The following FLNB variants were observed in gnomAD, a reference collection of about 807,000 sequenced individuals.
The protein encoded by FLNB is filamin B.
Under a neutral mutation model 250.6 loss-of-function variants are expected in FLNB, and 111 were observed. That is an observed-to-expected ratio of 0.44 (90% CI 0.38 to 0.52). The LOEUF (loss-of-function observed/expected upper bound fraction) is 0.52, where lower values mean the gene tolerates loss of function less well. Ranked by LOEUF, FLNB falls within the 20% of genes least tolerant of loss-of-function variation. The probability of loss-of-function intolerance (pLI) is 0.00; values close to 1 mark genes in which losing one functional copy is unlikely to be tolerated. For synonymous variants in FLNB, 1,302 were observed against 1,372.1 expected, an observed-to-expected ratio of 0.95 and a Z score of 1.13; for missense variants, 2,869 against 3,447.8, an observed-to-expected ratio of 0.83 and a Z score of 4.20.
chr3:58,040,408 G>T (rs1447889509), intron 1 of FLNB, among the ~76,000 whole-genome samples: 4 of 152,166 alleles, frequency 2.6e-5, no homozygotes. Flanking sequence ...TCATTAAGGT[G>T]GGGGCAGCTT....
intron 1 of FLNB, among the ~76,000 whole-genome samples, chr3:58,071,274 C>CTT (rs57488190): frequency 3.2e-3 from 259 of 81,612 alleles, no homozygotes; most frequent in Non-Finnish European, 4.6e-3. Context: ...CTCCTCGATT[C>CTT]TTTTTTTTTT....
At chr3:58,046,361 T>C (rs1385171595) in intron 1 of FLNB, among the ~76,000 whole-genome samples, 1 of 152,166 alleles carries the variant, frequency 6.6e-6, no homozygotes, top group African/African-American at 2.4e-5. Context: ...TACTGAGATA[T>C]AACTCACACA....
intron 1 of FLNB, among the ~76,000 whole-genome samples, chr3:58,028,787 A>AT (rs2097126929): frequency 1.3e-5 from 2 of 149,424 alleles, no homozygotes; most frequent in East Asian, 2.1e-4. Context: ...CTAATTTTGT[A>AT]TTTTTTTTAG....
chr3:58,056,880 C>A (rs1247022733), intron 1 of FLNB, among the ~76,000 whole-genome samples: 1 of 152,174 alleles, frequency 6.6e-6, no homozygotes. Flanking sequence ...TGAGCCACCA[C>A]GCCCTGTGAC....
At chr3:58,020,377 T>G (rs1553680595) in intron 1 of FLNB, among the ~76,000 whole-genome samples, 3 of 152,116 alleles carry the variant, frequency 2.0e-5, no homozygotes, top group Non-Finnish European at 4.4e-5. Flanking sequence ...CATCTGCAGG[T>G]AGCCTCGTGC....
intron 4 of FLNB, among the ~76,000 whole-genome samples, chr3:58,087,608 A>G (rs1576694150): frequency 6.6e-6 from 1 of 151,586 alleles, no homozygotes; most frequent in East Asian, 1.9e-4. Context: ...GCCCACCACC[A>G]CACCCGGCTA....
At position 58,118,872 on chromosome 3, in the gene FLNB, G is replaced by T. The variant is rs747682744; in HGVS notation, c.2746G>T (p.Gly916Cys). 2.5e-6 allele frequency: 4 copies of T among 1,612,858 alleles called. No homozygotes were observed. The African/African-American group carries it at 5.3e-5, about 22-fold the overall frequency. The change falls in exon 19 of 46, where the codon GGC (glycine) becomes TGC (cysteine). Residue 916 changes from glycine to cysteine, a missense_variant and splice_region_variant. Gly to Cys is a radical substitution (Grantham distance 159). Coordinates refer to ENST00000295956, the MANE Select transcript of FLNB (RefSeq NM_001457.4). Reference sequence around the variant, plus strand: ...AACTGAGTTTTCTCTCTTGTTCCAGGGCAACATGCAGGTTCTGGTGACTTA... The same window carrying T: ...AACTGAGTTTTCTCTCTTGTTCCAGTGCAACATGCAGGTTCTGGTGACTTA... ...HTVKYTPTQQ[G>C]NMQVLVTYGG...
intron 22 of FLNB, among the ~76,000 whole-genome samples, chr3:58,125,293 C>T (rs571920438): frequency 6.6e-6 from 1 of 152,146 alleles, no homozygotes; most frequent in East Asian, 1.9e-4. Flanking sequence ...CCACCACACT[C>T]AGCTAATTTT....
In FLNB at chr3:58,124,325, T is replaced by G. The variant is rs1165039993; in HGVS notation, c.3725-7T>G. The G allele has an allele frequency of 6.8e-6, 11 of 1,614,206 alleles. No homozygotes were observed. The highest frequency in any genetic ancestry group is 9.3e-6 in the Non-Finnish European group (11 of 1,180,020). On this transcript the variant is annotated splice_region_variant and splice_polypyrimidine_tract_variant and intron_variant, in intron 21 of 45. Transcript: ENST00000295956. Reference sequence around the variant, plus strand: ...GTGGCAGTGTTAGCTATGTGCTTGCTCTGCAGATGTGTTCCGGGAAGCTAC... The same window carrying G: ...GTGGCAGTGTTAGCTATGTGCTTGCGCTGCAGATGTGTTCCGGGAAGCTAC...
At chr3:58,025,599 C>T (rs980577564) in intron 1 of FLNB, among the ~76,000 whole-genome samples, 36 of 152,204 alleles carry the variant, frequency 2.4e-4, no homozygotes, top group African/African-American at 8.4e-4. Context: ...AGCTGCTTCC[C>T]TCCAGGAGCC....
rs530950707 is a variant in FLNB, at chr3:58,141,792, G to A, written c.5110-66G>A. On this transcript the variant is annotated intron_variant, in intron 29 of 45. Coordinates refer to ENST00000295956, the MANE Select transcript of FLNB (RefSeq NM_001457.4). The stretch of plus-strand genomic sequence containing the variant: ...GAGCAGTGGGGGAAGCAGCTCTGTG[G>A]TGGTAGTCTACTGAGTGTATCCTTC... 7.1e-6 allele frequency: 10 copies of A among 1,399,722 alleles called. No individual in the cohort carries two copies. In the African/African-American group the frequency reaches 1.4e-4, roughly 20 times the overall value. The allele number at this position is 1,399,722 out of a possible 1,614,324, so 86.7% of individuals were successfully genotyped here.
chr3:58,084,873 C>T lies in FLNB; in HGVS notation c.787+3097C>T, dbSNP rs375067670. The stretch of plus-strand genomic sequence containing the variant: ...AAATCATATGCTGTCTGTTAGGTAC[C>T]TCCTAGAAGTGGAATCATACGCTGT... On this transcript the variant is annotated intron_variant, in intron 4 of 45. Transcript: ENST00000295956. Among the ~76,000 whole-genome samples, 12 of 152,164 alleles carry T rather than the reference C, an allele frequency of 7.9e-5. No individual in the cohort carries two copies. The East Asian group carries it at 1.9e-3, about 24-fold the overall frequency.
Position 58,008,436 on chromosome 3 carries a change from C to T in FLNB, c.-129C>T, listed in dbSNP as rs905486585. Reference sequence around the variant, plus strand: ...CGGGCGGCCGCAGAGCAGCACCGGCCGTGGCTCCGGTAGCAGCAAGTTCGA... The same window carrying T: ...CGGGCGGCCGCAGAGCAGCACCGGCTGTGGCTCCGGTAGCAGCAAGTTCGA... On this transcript the variant is annotated 5_prime_UTR_variant, in exon 1 of 46. Coordinates refer to ENST00000295956, the MANE Select transcript of FLNB (RefSeq NM_001457.4). 9 of 1,129,054 alleles carry T rather than the reference C, an allele frequency of 8.0e-6. No homozygotes were observed. The highest frequency in any genetic ancestry group is 6.1e-5 in the African/African-American group (4 of 65,074). The allele number at this position is 1,129,054 out of a possible 1,614,324, so 69.9% of individuals were successfully genotyped here.
intron 1 of FLNB, among the ~76,000 whole-genome samples, chr3:58,068,342 A>G (rs945968448): frequency 2.6e-5 from 4 of 152,324 alleles, no homozygotes; most frequent in South Asian, 4.1e-4. Flanking sequence ...GAGATAAGCC[A>G]GCTTGGTCCC....
At chr3:58,132,167 G>T in intron 25 of FLNB, 1 of 635,076 alleles carries the variant, frequency 1.6e-6, no homozygotes, top group East Asian at 2.8e-5. Flanking sequence ...ACCCATCCTT[G>T]ACTGTCACGT....
At chr3:58,114,015 T>TC (rs2097273550) in intron 18 of FLNB, among the ~76,000 whole-genome samples, 1 of 152,146 alleles carries the variant, frequency 6.6e-6, no homozygotes, top group Non-Finnish European at 1.5e-5. Flanking sequence ...TTATTTTTCT[T>TC]CCTATATGTC....
intron 1 of FLNB, among the ~76,000 whole-genome samples, chr3:58,031,901 GA>G (rs201159278): frequency 3.3e-5 from 5 of 149,878 alleles, no homozygotes; most frequent in Admixed American, 6.7e-5. Flanking sequence ...CAGGGGAAGA[GA>G]AAAAAAAATA....
chr3:58,152,798 C>T (rs1440840349), intron 38 of FLNB: 1 of 1,308,006 alleles, frequency 7.6e-7, no homozygotes, highest in Non-Finnish European at 1.0e-6. Context: ...TGCTCCGTGC[C>T]CCGCATGCGG....
At chr3:58,056,588 T>C (rs2097170996) in intron 1 of FLNB, among the ~76,000 whole-genome samples, 1 of 152,184 alleles carries the variant, frequency 6.6e-6, no homozygotes, top group South Asian at 2.1e-4. Flanking sequence ...TGGCTATGAC[T>C]AACTCAGTTA....
Sources: gnomAD v4.1 joint callset for allele counts (sites outside exome capture counted in the v4.1 genomes callset) on GRCh38, gnomAD v4.1.1 for gene constraint, MANE v1.5 for transcripts, NCBI Gene and HGNC (gene_info 2026-07-23, HGNC 2026-07-21) for gene names.